The following EYA2 variants were observed in gnomAD, a reference collection of about 807,000 sequenced individuals.
EYA2 encodes protein phosphatase EYA2.
A neutral mutation model predicts 69.2 loss-of-function variants in EYA2; 31 were observed. The observed-to-expected ratio is 0.45, with a 90% CI of 0.34 to 0.60. The LOEUF is 0.60. EYA2 is among the 20% of genes least tolerant of loss of function. The probability of loss-of-function intolerance (pLI) is 0.02; values close to 1 mark genes in which losing one functional copy is unlikely to be tolerated. For synonymous variants in EYA2, 257 were observed against 279.4 expected (o/e 0.92, Z 0.80); for missense variants, 622 against 701.2 (o/e 0.89, Z 1.28).
At chr20:47,156,031 TAC>T (rs1325027117) in intron 10 of EYA2, among the ~76,000 whole-genome samples, 16 of 119,266 alleles carry the variant, frequency 1.3e-4, no homozygotes, top group African/African-American at 4.5e-4. Flanking sequence ...TATATATATA[TAC>T]ATACACACAC....
intron 9 of EYA2, among the ~76,000 whole-genome samples, chr20:47,115,513 C>G (rs2032864433): frequency 6.6e-6 from 1 of 152,128 alleles, no homozygotes; most frequent in African/African-American, 2.4e-5. Context: ...GTCAGGTCAC[C>G]CGTCTTATGC....
chr20:47,072,543 T>G (rs544144444), intron 6 of EYA2, among the ~76,000 whole-genome samples: 1 of 152,304 alleles, frequency 6.6e-6, no homozygotes, highest in African/African-American at 2.4e-5. Context: ...GAATCTGATA[T>G]ATATCAATAC....
chr20:47,169,415 G>A (rs2034274302), intron 11 of EYA2, among the ~76,000 whole-genome samples: 1 of 152,118 alleles, frequency 6.6e-6, no homozygotes, highest in Non-Finnish European at 1.5e-5. Flanking sequence ...GGAGGTCTTA[G>A]CAGGAGGATC....
At chr20:47,179,136 A>G (rs1220615743) in intron 12 of EYA2, among the ~76,000 whole-genome samples, 1 of 151,670 alleles carries the variant, frequency 6.6e-6, no homozygotes, top group African/African-American at 2.4e-5. Flanking sequence ...ATTTTTGTTC[A>G]TATCTGTACA....
chr20:47,093,003 T>A (rs1170106684), intron 8 of EYA2, among the ~76,000 whole-genome samples: 2 of 152,214 alleles, frequency 1.3e-5, no homozygotes, highest in African/African-American at 4.8e-5. Context: ...AGGGCCTCTC[T>A]TAGAACTTAA....
chr20:46,922,414 T>G (rs998606351), intron 1 of EYA2, among the ~76,000 whole-genome samples: 2 of 152,242 alleles, frequency 1.3e-5, no homozygotes, highest in Middle Eastern at 3.2e-3. Flanking sequence ...TATACTCTAC[T>G]GTACATTCCA....
chr20:47,181,841 T>C (rs2034543803), intron 14 of EYA2, among the ~76,000 whole-genome samples: 1 of 152,170 alleles, frequency 6.6e-6, no homozygotes, highest in Non-Finnish European at 1.5e-5. Context: ...ATTATAGTAG[T>C]AGGGGCCAAA....
chr20:46,936,999 C>G (rs1985938388), intron 1 of EYA2, among the ~76,000 whole-genome samples: 3 of 152,158 alleles, frequency 2.0e-5, no homozygotes, highest in African/African-American at 7.2e-5. Flanking sequence ...TTTTAAGTGC[C>G]CCAGCTAAGT....
chr20:47,170,540 G>T lies in EYA2; in HGVS notation c.1037+1343G>T, dbSNP rs377499075. Among the ~76,000 whole-genome samples the T allele has an allele frequency of 2.1e-3, 319 of 152,058 alleles. 1 individual carries two copies. Among genetic ancestry groups the T allele is most frequent in the African/African-American group, 7.1e-3 (296 of 41,494 alleles). On this transcript the variant is annotated intron_variant, in intron 11 of 15. Transcript: ENST00000327619. ...CGGGCGCCTGTAATCCCAGCTACTT[G>T]GGAGGCTGAGGCAGGAGAATTGCTT...
At chr20:47,061,489 C>T (rs1268094574) in intron 5 of EYA2, among the ~76,000 whole-genome samples, 1 of 152,196 alleles carries the variant, frequency 6.6e-6, no homozygotes, top group African/African-American at 2.4e-5. Flanking sequence ...TATGATGGCA[C>T]CACTGCACTC....
At chr20:47,164,927 T>A (rs954630245) in intron 10 of EYA2, among the ~76,000 whole-genome samples, 1 of 152,158 alleles carries the variant, frequency 6.6e-6, no homozygotes, top group Non-Finnish European at 1.5e-5. Flanking sequence ...GGCTCTTCCC[T>A]AACTGAACTT....
At chr20:46,896,988 G>C (rs574053072) in intron 1 of EYA2, among the ~76,000 whole-genome samples, 1 of 150,856 alleles carries the variant, frequency 6.6e-6, no homozygotes, top group African/African-American at 2.4e-5. Context: ...AAAATAAAAA[G>C]ATGTGTATCT....
intron 6 of EYA2, 87 bp from the exon 7 acceptor site, chr20:47,074,071 G>A: frequency 1.6e-6 from 2 of 1,279,304 alleles, no homozygotes; most frequent in Non-Finnish European, 2.1e-6. Flanking sequence ...TTATTCTAAT[G>A]GTGAGACAGA....
chr20:47,022,697 G>A (rs1278596488), intron 5 of EYA2, among the ~76,000 whole-genome samples: 5 of 113,966 alleles, frequency 4.4e-5, no homozygotes, highest in East Asian at 5.3e-4. Context: ...TCTGTCACCC[G>A]GGCTGGAGTG....
chr20:47,015,351 A>G (rs764988963), intron 4 of EYA2, among the ~76,000 whole-genome samples: 8 of 152,342 alleles, frequency 5.3e-5, no homozygotes, highest in African/African-American at 9.6e-5. Context: ...ATTAGTACCT[A>G]TGCTTTAGGT....
rs370137434 is a variant in EYA2 at position 47,104,846 on chromosome 20, C to T, written c.888+7678C>T. On this transcript the variant is annotated intron_variant, in intron 9 of 15. Transcript: ENST00000327619. ...GACCAGCCTGGCCAACATGGTGAAA[C>T]TCCATCTCTACTAAAAATACAAAAA... Among the ~76,000 whole-genome samples, 4 of 152,202 alleles carry T rather than the reference C, an allele frequency of 2.6e-5. No individual in the cohort carries two copies. The East Asian group carries it at 5.8e-4, about 22-fold the overall frequency.
chr20:46,987,917 T>A (rs1197624), intron 1 of EYA2, among the ~76,000 whole-genome samples: 15,632 of 25,148 alleles, frequency 0.62, 5,320 homozygotes, highest in African/African-American at 0.66. Flanking sequence ...ACAGAGTAAG[T>A]CTCTCTCTCT....
intron 9 of EYA2, among the ~76,000 whole-genome samples, chr20:47,101,951 T>G (rs1027665862): frequency 5.9e-5 from 9 of 152,248 alleles, no homozygotes; most frequent in African/African-American, 2.2e-4. Context: ...GTGAAACTTG[T>G]TATTAATAGC....
intron 1 of EYA2, among the ~76,000 whole-genome samples, chr20:46,922,292 T>C (rs6063035): frequency 0.32 from 48,416 of 152,018 alleles, 8,395 homozygotes; most frequent in South Asian, 0.42. Context: ...GTTACACTAA[T>C]GGTAATTTTA....
Sources: allele counts gnomAD v4.1 joint callset (sites outside exome capture counted in the v4.1 genomes callset), GRCh38; gene constraint gnomAD v4.1.1; transcripts MANE v1.5; gene names NCBI Gene and HGNC (gene_info 2026-07-23, HGNC 2026-07-21).